Variants in RORA observed in about 807,000 individuals in gnomAD.
The protein encoded by RORA is RAR related orphan receptor A.
A neutral mutation model predicts 69.5 loss-of-function variants in RORA; 7 were observed. That is an observed-to-expected ratio of 0.10 (90% CI 0.06 to 0.19). The LOEUF is 0.19. Among genes scored for constraint, RORA ranks in the 10% least tolerant of loss-of-function variants. RORA has a pLI of 1.00. For synonymous variants in RORA, 261 were observed against 240.8 expected (o/e 1.08, Z -0.78); for missense variants, 457 against 663.0 (o/e 0.69, Z 3.41).
At chr15:60,869,667 C>T (rs1595779459) in intron 1 of RORA, among the ~76,000 whole-genome samples, 1 of 152,194 alleles carries the variant, frequency 6.6e-6, no homozygotes, top group South Asian at 2.1e-4. Flanking sequence ...CAGCTGCTCT[C>T]AAGTAATGGC....
rs1479668077 is a variant in RORA, at chr15:60,495,592, T to C, written c.*1863A>G. On this transcript the variant is annotated 3_prime_UTR_variant, in exon 11 of 11. Coordinates refer to ENST00000335670, the MANE Select transcript of RORA (RefSeq NM_134261.3). ...CTAGCATGACGTGAAGAGCTGCAATTCCTGTAGAAGATTCCGCAGGGACCC... is the reference window on the plus strand; with the variant it reads ...CTAGCATGACGTGAAGAGCTGCAATCCCTGTAGAAGATTCCGCAGGGACCC... The C allele has an allele frequency of 1.3e-5, 2 of 152,164 alleles. No homozygotes were observed. Among genetic ancestry groups the C allele is most frequent in the Admixed American group, 6.5e-5 (1 of 15,286 alleles). 9.4% of individuals were successfully genotyped at this position (152,164 alleles called of 1,614,324 possible).
In RORA at chr15:60,558,667, T is replaced by G. The variant is rs796157840; in HGVS notation, c.197-26816A>C. Among the ~76,000 whole-genome samples, 12 of 152,344 alleles carry G rather than the reference T, an allele frequency of 7.9e-5. 1 individual carries two copies. Among genetic ancestry groups the G allele is most frequent in the African/African-American group, 2.9e-4 (12 of 41,578 alleles). On this transcript the variant is annotated intron_variant, in intron 2 of 10. Coordinates refer to ENST00000335670, the MANE Select transcript of RORA (RefSeq NM_134261.3). ...TGGTGAATACCACCTTAAAACCTAT[T>G]GGAGATTGGTTTTATGTTTAGATTT...
intron 1 of RORA, among the ~76,000 whole-genome samples, chr15:60,973,204 C>A (rs1298383702): frequency 6.6e-6 from 1 of 152,096 alleles, no homozygotes; most frequent in Non-Finnish European, 1.5e-5. Flanking sequence ...ATGCTGAAAC[C>A]TGAGGGCATC....
At chr15:60,503,443 G>A in intron 7 of RORA, 92 bp downstream of exon 7, 1 of 1,320,826 alleles carries the variant, frequency 7.6e-7, no homozygotes, top group Non-Finnish European at 1.1e-6. Context: ...GAGAAAAACT[G>A]TTCCCGACAC....
At chr15:60,972,123 T>C (rs192327692) in intron 1 of RORA, among the ~76,000 whole-genome samples, 9 of 152,324 alleles carry the variant, frequency 5.9e-5, no homozygotes, top group African/African-American at 2.2e-4. Flanking sequence ...TCAAATATTT[T>C]GTAAGCCATT....
chr15:60,855,570 G>T (rs944253662), intron 1 of RORA, among the ~76,000 whole-genome samples: 6 of 152,046 alleles, frequency 3.9e-5, no homozygotes, highest in African/African-American at 1.5e-4. Context: ...TGAATGTGTG[G>T]ACCCTTACAC....
intron 1 of RORA, among the ~76,000 whole-genome samples, chr15:60,842,424 T>C (rs745902174): frequency 6.6e-6 from 1 of 152,204 alleles, no homozygotes; most frequent in Non-Finnish European, 1.5e-5. Flanking sequence ...AAAGCTACCA[T>C]TTATGATTTA....
chr15:60,523,290 A>G (rs1185288247), intron 3 of RORA, among the ~76,000 whole-genome samples: 1 of 152,202 alleles, frequency 6.6e-6, no homozygotes, highest in East Asian at 1.9e-4. Flanking sequence ...ATATCAACCA[A>G]CATTCATGTT....
intron 1 of RORA, among the ~76,000 whole-genome samples, chr15:61,141,967 G>A (rs2079303609): frequency 6.6e-6 from 1 of 152,132 alleles, no homozygotes; most frequent in Non-Finnish European, 1.5e-5. Context: ...CCTGGGCTAA[G>A]TGGAAAAGGG....
At chr15:61,106,563 A>T (rs973403599) in intron 1 of RORA, among the ~76,000 whole-genome samples, 3 of 152,100 alleles carry the variant, frequency 2.0e-5, no homozygotes, top group African/African-American at 7.2e-5. Flanking sequence ...CAAATCACAC[A>T]ACCCCCATGA....
intron 1 of RORA, among the ~76,000 whole-genome samples, chr15:61,015,821 T>G (rs1388538190): frequency 6.6e-6 from 1 of 152,202 alleles, no homozygotes; most frequent in East Asian, 1.9e-4. Context: ...TATTGCAGTC[T>G]TAGGTTGCAT....
intron 1 of RORA, among the ~76,000 whole-genome samples, chr15:60,830,154 C>T (rs1005576212): frequency 2.6e-5 from 4 of 152,042 alleles, no homozygotes; most frequent in Non-Finnish European, 2.9e-5. Flanking sequence ...AGTAGTTTTG[C>T]GCTTATTCTT....
chr15:60,883,716 A>C (rs2073717771), intron 1 of RORA, among the ~76,000 whole-genome samples: 1 of 152,250 alleles, frequency 6.6e-6, no homozygotes, highest in East Asian at 1.9e-4. Flanking sequence ...AGCATGTGCT[A>C]CTTTTATAAA....
chr15:60,603,668 A>G (rs1230020012), intron 2 of RORA, among the ~76,000 whole-genome samples: 1 of 152,234 alleles, frequency 6.6e-6, no homozygotes, highest in Non-Finnish European at 1.5e-5. Context: ...TGATTCAATA[A>G]CATTGCACTG....
chr15:60,713,189 C>A (rs1365794469), intron 1 of RORA, among the ~76,000 whole-genome samples: 1 of 152,138 alleles, frequency 6.6e-6, no homozygotes, highest in African/African-American at 2.4e-5. Flanking sequence ...GCAATCCATG[C>A]CAGAGAAGCC....
At chr15:60,746,229 G>T (rs1325230862) in intron 1 of RORA, among the ~76,000 whole-genome samples, 2 of 152,124 alleles carry the variant, frequency 1.3e-5, no homozygotes, top group Admixed American at 6.5e-5. Context: ...CATCCCAAAA[G>T]GTGTTAAGTT....
At chr15:60,498,886 T>C (rs1175778479) in intron 10 of RORA, among the ~76,000 whole-genome samples, 1 of 142,238 alleles carries the variant, frequency 7.0e-6, no homozygotes, top group Non-Finnish European at 1.5e-5. Flanking sequence ...AGCAAACAAA[T>C]AAACAAGAAA....
rs559261631 is a variant in RORA at position 60,916,652 on chromosome 15, T to C, written c.167-237966A>G. On this transcript the variant is annotated intron_variant, in intron 1 of 10. Coordinates refer to ENST00000335670, the MANE Select transcript of RORA (RefSeq NM_134261.3). ...TTTAAATACCAATGCCCAGGCCACA[T>C]CACATTCAATTAAATCAGAAAAGGT... 3.2e-3 allele frequency among the ~76,000 whole-genome samples: 487 copies of C among 152,266 alleles called. 6 individuals are homozygous for C. Among genetic ancestry groups the C allele is most frequent in the South Asian group, 5.6e-3 (27 of 4,824 alleles).
At chr15:61,099,165 A>T (rs2078841864) in intron 1 of RORA, among the ~76,000 whole-genome samples, 1 of 152,202 alleles carries the variant, frequency 6.6e-6, no homozygotes, top group Non-Finnish European at 1.5e-5. Flanking sequence ...TAAAAACCTC[A>T]AGAACATATC....
Sources: allele counts gnomAD v4.1 joint callset (sites outside exome capture counted in the v4.1 genomes callset), GRCh38; gene constraint gnomAD v4.1.1; transcripts MANE v1.5; gene names NCBI Gene and HGNC (gene_info 2026-07-23, HGNC 2026-07-21).